The following ZNF730 variants were observed in gnomAD, a reference collection of about 807,000 sequenced individuals.
ZNF730 encodes zinc finger protein 730.
Under a neutral mutation model 12.6 loss-of-function variants are expected in ZNF730, and 12 were observed. The observed-to-expected ratio is 0.95, with a 90% CI of 0.61 to 1.54. The LOEUF is 1.54. ZNF730 is among the 40% of genes most tolerant of loss of function. ZNF730 has a pLI of 0.00. For missense variants in ZNF730, 643 were observed against 583.5 expected, an observed-to-expected ratio of 1.10 and a Z score of -1.05; for synonymous variants, 194 against 195.8, an observed-to-expected ratio of 0.99 and a Z score of 0.08.
chr19:23,115,284 TTAG>T (rs1183007023), upstream of ZNF730, among the ~76,000 whole-genome samples: 2 of 152,154 alleles, frequency 1.3e-5, no homozygotes, highest in Non-Finnish European at 2.9e-5. Context: ...GCCCAGCCAA[TTAG>T]TAGCTTTGGG....
At chr19:23,101,888 A>G (rs1970339727) in intron 1 of ZNF730, among the ~76,000 whole-genome samples, 1 of 152,054 alleles carries the variant, frequency 6.6e-6, no homozygotes, top group African/African-American at 2.4e-5. Context: ...TTTCACCCAG[A>G]TGATGTGAGT....
intron 1 of ZNF730, among the ~76,000 whole-genome samples, chr19:23,097,285 C>T (rs1970268334): frequency 6.6e-6 from 1 of 152,130 alleles, no homozygotes; most frequent in Non-Finnish European, 1.5e-5. Flanking sequence ...GCTTCTCCTG[C>T]CTGGACGCTG....
intron 3 of ZNF730, 110 bp from the exon 4 acceptor site, chr19:23,145,161 G>A: frequency 1.4e-6 from 1 of 709,884 alleles, no homozygotes; most frequent in Non-Finnish European, 2.1e-6. Context: ...AGGGCCTGTG[G>A]TATTTTGCTA....
intron 2 of ZNF730, among the ~76,000 whole-genome samples, chr19:23,135,713 A>G (rs1279607956): frequency 6.6e-6 from 1 of 151,988 alleles, no homozygotes; most frequent in African/African-American, 2.4e-5. Flanking sequence ...GGGTTTCACT[A>G]TGTTGGCCAG....
At chr19:23,135,808 G>T in intron 2 of ZNF730, 140 bp from the exon 3 acceptor site, 1 of 754,020 alleles carries the variant, frequency 1.3e-6, no homozygotes, top group Non-Finnish European at 1.9e-6. Flanking sequence ...ACCGTGCCTG[G>T]TCTATTTAGA....
At chr19:23,144,792 G>T (rs1437195766) in intron 3 of ZNF730, among the ~76,000 whole-genome samples, 1 of 146,296 alleles carries the variant, frequency 6.8e-6, no homozygotes, top group Non-Finnish European at 1.5e-5. Flanking sequence ...TTATTTTTTT[G>T]TCTCAGCAGG....
chr19:23,107,845 T>G (rs2145563250), intron 1 of ZNF730, among the ~76,000 whole-genome samples: 1 of 152,336 alleles, frequency 6.6e-6, no homozygotes, highest in Middle Eastern at 3.4e-3. Context: ...ACCCCTTGGG[T>G]GAAACTGTAG....
upstream of ZNF730, among the ~76,000 whole-genome samples, chr19:23,115,672 ACAGAAGCAGAAGCTCACCCC>A (rs776385713): frequency 4.0e-5 from 6 of 151,642 alleles, no homozygotes; most frequent in South Asian, 1.0e-3. Flanking sequence ...GCCTCTGTTG[ACAGAAGCAGAAGCTCACCCC>A]CAGAAGCAGA....
At chr19:23,089,386 G>A (rs73555471) in intron 1 of ZNF730, among the ~76,000 whole-genome samples, 1,992 of 152,112 alleles carry the variant, frequency 0.013, 50 homozygotes, top group African/African-American at 0.045. Flanking sequence ...TGTATTTTTA[G>A]TAGAGACAGT....
At chr19:23,118,366 G>GTT (rs3841327) in intron 1 of ZNF730, among the ~76,000 whole-genome samples, 24,039 of 139,278 alleles carry the variant, frequency 0.17, 2,441 homozygotes, top group African/African-American at 0.3. Context: ...TTTGTTTTTT[G>GTT]TTTTTTTTTT....
At chr19:23,085,120 A>G (rs939202828) in intron 1 of ZNF730, among the ~76,000 whole-genome samples, 1 of 152,164 alleles carries the variant, frequency 6.6e-6, no homozygotes, top group Non-Finnish European at 1.5e-5. Context: ...CCTCGTCAGC[A>G]TCTGTTATTA....
chr19:23,114,362 A>C (rs1475582613), upstream of ZNF730, among the ~76,000 whole-genome samples: 1 of 122,990 alleles, frequency 8.1e-6, no homozygotes, highest in South Asian at 2.7e-4. Context: ...GCTGGAGTGC[A>C]GTGGAGCGAT....
chr19:23,144,659 C>T (rs1970976935), intron 3 of ZNF730, among the ~76,000 whole-genome samples: 1 of 132,068 alleles, frequency 7.6e-6, no homozygotes, highest in Non-Finnish European at 1.5e-5. Flanking sequence ...GAGATTGCAC[C>T]ACCGCACTCC....
At chr19:23,128,063 T>C in intron 1 of ZNF730, 1 of 768,228 alleles carries the variant, frequency 1.3e-6, no homozygotes, top group East Asian at 2.4e-5. Context: ...GAATACAATG[T>C]GGAAAGCACT....
At position 23,145,485 on chromosome 19, in the gene ZNF730, T is replaced by C. The variant is rs764815037; in HGVS notation, c.441T>C (p.Cys147=). 1 of 1,566,636 alleles carries C rather than the reference T, an allele frequency of 6.4e-7. No individual in the cohort carries two copies. The highest frequency in any genetic ancestry group is 2.4e-5 in the East Asian group (1 of 42,286). ...CTTCCCATAGCAAAATATTTCAGTG[T>C]GACAAATATGTGAAAGTCTTTCATA... ...LTTSHSKIFQ[C]DKYVKVFHKF... The change falls in exon 4 of 4, where the codon TGT becomes TGC. Residue 147 remains cysteine (C), a synonymous_variant. Coordinates refer to ENST00000597761, the MANE Select transcript of ZNF730 (RefSeq NM_001277403.2).
chr19:23,122,246 T>G (rs1173503484), intron 1 of ZNF730, among the ~76,000 whole-genome samples: 1 of 151,750 alleles, frequency 6.6e-6, no homozygotes. Flanking sequence ...GTTCAAATGA[T>G]TTTCCTGCCT....
intron 1 of ZNF730, among the ~76,000 whole-genome samples, chr19:23,098,707 T>TA (rs1970292278): frequency 6.6e-6 from 1 of 151,960 alleles, no homozygotes; most frequent in Non-Finnish European, 1.5e-5. Flanking sequence ...ACTCAGGTGA[T>TA]ATGACTCTCC....
chr19:23,131,857 G>A (rs183176130), intron 1 of ZNF730, among the ~76,000 whole-genome samples: 2 of 152,188 alleles, frequency 1.3e-5, no homozygotes, highest in African/African-American at 4.8e-5. Context: ...ATAAGCCCAG[G>A]CTTCTAATTA....
At chr19:23,102,703 C>T (rs1346449467) in intron 1 of ZNF730, among the ~76,000 whole-genome samples, 2 of 151,910 alleles carry the variant, frequency 1.3e-5, no homozygotes, top group Non-Finnish European at 2.9e-5. Flanking sequence ...AGCATGTTGG[C>T]CAGGCTGGTC....
Sources: gnomAD v4.1 joint callset for allele counts (sites outside exome capture counted in the v4.1 genomes callset) on GRCh38, gnomAD v4.1.1 for gene constraint, MANE v1.5 for transcripts, NCBI Gene and HGNC (gene_info 2026-07-23, HGNC 2026-07-21) for gene names.